Variants in SLFN12L observed in about 807,000 individuals in gnomAD.
SLFN12L encodes the protein schlafen family member 12-like.
A neutral mutation model predicts 34.8 loss-of-function variants in SLFN12L; 34 were observed. The observed-to-expected ratio is 0.98, with a 90% CI of 0.74 to 1.30. SLFN12L has a LOEUF of 1.30. Ranked by LOEUF, SLFN12L falls within the 50% of genes most tolerant of loss-of-function variation. The pLI, the probability that SLFN12L is intolerant of heterozygous loss-of-function variation, is 0.00. For missense variants in SLFN12L, 703 were observed against 696.2 expected (o/e 1.01, Z -0.11); for synonymous variants, 259 against 247.5 (o/e 1.05, Z -0.44).
intron 2 of SLFN12L, chr17:35,498,606 G>T: frequency 1.9e-6 from 3 of 1,607,578 alleles, no homozygotes; most frequent in Non-Finnish European, 2.6e-6. Context: ...TCTGCAGAAA[G>T]CTAGCCAGAA....
At chr17:35,498,512 CTT>C (rs1393028877) in intron 2 of SLFN12L, 2 of 1,224,902 alleles carry the variant, frequency 1.6e-6, no homozygotes, top group Non-Finnish European at 2.4e-6. Flanking sequence ...TTTATCCTCT[CTT>C]TGTCTGCCTC....
chr17:35,534,920 T>C (rs2072444277), intron 1 of SLFN12L, among the ~76,000 whole-genome samples: 1 of 152,104 alleles, frequency 6.6e-6, no homozygotes, highest in African/African-American at 2.4e-5. Context: ...CAAGAGCAAA[T>C]AAAAACAAAG....
intron 1 of SLFN12L, among the ~76,000 whole-genome samples, chr17:35,534,932 G>T (rs2072444485): frequency 6.6e-6 from 1 of 152,190 alleles, no homozygotes; most frequent in South Asian, 2.1e-4. Context: ...AAAACAAAGG[G>T]CATAGTAGGA....
intron 2 of SLFN12L, chr17:35,490,358 G>T: frequency 7.5e-7 from 1 of 1,339,776 alleles, no homozygotes; most frequent in South Asian, 1.2e-5. Flanking sequence ...AACACGGTAC[G>T]ATAGTCTCTT....
rs1247702695 is a variant in SLFN12L at position 35,467,811 on chromosome 17, GAAGC to G, written c.*7108_*7111del. The stretch of plus-strand genomic sequence containing the variant: ...CCGTTTGAGCCTAAACTTCAACCAT[GAAGC>G]AAGCAAGCAAGCAAGCAAAAACCAA... On this transcript the variant is annotated 3_prime_UTR_variant, in exon 5 of 5. Coordinates refer to ENST00000628453, the MANE Select transcript of SLFN12L (RefSeq NM_001363830.2). Among the ~76,000 whole-genome samples, 1 of 152,120 alleles carries G rather than the reference GAAGC, an allele frequency of 6.6e-6. No individual in the cohort carries two copies. Among genetic ancestry groups the G allele is most frequent in the South Asian group, 2.1e-4 (1 of 4,818 alleles).
rs375767919 is a variant in SLFN12L, at chr17:35,534,286, C to T, written c.-606+3287G>A. Among the ~76,000 whole-genome samples, 36 of 152,116 alleles carry T rather than the reference C, an allele frequency of 2.4e-4. No individual in the cohort carries two copies. In the East Asian group the frequency reaches 5.4e-3, roughly 23 times the overall value. On this transcript the variant is annotated intron_variant, in intron 1 of 4. Transcript: ENST00000628453. ...CTGAGGCAGGAGAATCTCTTGAACC[C>T]GGGAAGCGGAGGTTGCAGTGAGCTG...
intron 4 of SLFN12L, 191 bp downstream of exon 4, chr17:35,477,884 G>A (rs555595437): frequency 2.5e-5 from 11 of 445,104 alleles, no homozygotes; most frequent in East Asian, 4.4e-5. Context: ...CTGCCTGAAC[G>A]AACAATTCTA....
At chr17:35,491,599 G>A (rs1054430470) in intron 2 of SLFN12L, among the ~76,000 whole-genome samples, 25 of 152,312 alleles carry the variant, frequency 1.6e-4, no homozygotes, top group African/African-American at 6.0e-4. Flanking sequence ...GCTGCAGAAT[G>A]GGGTCTGGCC....
At chr17:35,502,950 A>G (rs1163553067) in intron 2 of SLFN12L, among the ~76,000 whole-genome samples, 1 of 151,968 alleles carries the variant, frequency 6.6e-6, no homozygotes, top group African/African-American at 2.4e-5. Context: ...CAGCTGAGGC[A>G]TGTTGAAGAA....
At chr17:35,491,447 C>T (rs577520864) in intron 2 of SLFN12L, among the ~76,000 whole-genome samples, 2 of 152,300 alleles carry the variant, frequency 1.3e-5, no homozygotes, top group East Asian at 3.9e-4. Context: ...TGCAGGCTCC[C>T]TTGGGAAAGC....
At position 35,474,026 on chromosome 17, in the gene SLFN12L, CT is replaced by C; in HGVS notation, c.*896del. The C allele has an allele frequency of 6.6e-6, 1 of 152,384 alleles. No homozygotes were observed. Among genetic ancestry groups the C allele is most frequent in the Non-Finnish European group, 1.5e-5 (1 of 68,074 alleles). The allele number at this position is 152,384 out of a possible 1,614,324, so 9.4% of individuals were successfully genotyped here. ...CTCCACTTCCTGCGTTCAAGCAATTCTCATGCCTCAGCCTCCCGAGTAGCTG... is the reference window on the plus strand; with the variant it reads ...CTCCACTTCCTGCGTTCAAGCAATTCCATGCCTCAGCCTCCCGAGTAGCTG... On this transcript the variant is annotated 3_prime_UTR_variant, in exon 5 of 5. Transcript: ENST00000628453.
chr17:35,490,562 C>T (rs959213321), intron 2 of SLFN12L: 21 of 829,364 alleles, frequency 2.5e-5, no homozygotes, highest in Admixed American at 5.2e-5. Flanking sequence ...AGTCTGTCTG[C>T]GGATGGGGGC....
intron 2 of SLFN12L, among the ~76,000 whole-genome samples, chr17:35,482,360 C>T (rs185277086): frequency 6.6e-6 from 1 of 152,326 alleles, no homozygotes; most frequent in African/African-American, 2.4e-5. Context: ...TGGCAGCCTG[C>T]CATCACAAAG....
At chr17:35,513,324 AC>A (rs1438601423) in intron 2 of SLFN12L, among the ~76,000 whole-genome samples, 1 of 152,192 alleles carries the variant, frequency 6.6e-6, no homozygotes, top group East Asian at 1.9e-4. Context: ...TGTGCAGCTG[AC>A]CAGAGGGAGA....
At chr17:35,524,340 G>A (rs2072312529) in intron 1 of SLFN12L, among the ~76,000 whole-genome samples, 1 of 152,210 alleles carries the variant, frequency 6.6e-6, no homozygotes, top group Non-Finnish European at 1.5e-5. Flanking sequence ...TCTAAAGAGA[G>A]CAGCAGATCT....
intron 2 of SLFN12L, among the ~76,000 whole-genome samples, chr17:35,505,809 G>T (rs911183472): frequency 6.6e-6 from 1 of 152,170 alleles, no homozygotes; most frequent in African/African-American, 2.4e-5. Context: ...ACTGGTCCAC[G>T]CATGGCTGAA....
chr17:35,522,128 G>A (rs1423328339), intron 2 of SLFN12L, 151 bp downstream of exon 2: 4 of 1,038,862 alleles, frequency 3.9e-6, no homozygotes, highest in Non-Finnish European at 5.5e-6. Context: ...ATAAAAAAAA[G>A]GTAGAAAAAA....
chr17:35,494,144 C>T (rs1174323849), intron 2 of SLFN12L, among the ~76,000 whole-genome samples: 4 of 151,804 alleles, frequency 2.6e-5, no homozygotes, highest in Non-Finnish European at 5.9e-5. Flanking sequence ...AAGTATTTCT[C>T]CCAAAATTGG....
At chr17:35,511,069 A>T (rs958470482) in intron 2 of SLFN12L, among the ~76,000 whole-genome samples, 1 of 152,098 alleles carries the variant, frequency 6.6e-6, no homozygotes, top group Non-Finnish European at 1.5e-5. Context: ...TGTTTATCTT[A>T]TTCTATTTTG....
Sources: gnomAD v4.1 joint callset for allele counts (sites outside exome capture counted in the v4.1 genomes callset) on GRCh38, gnomAD v4.1.1 for gene constraint, MANE v1.5 for transcripts, NCBI Gene and HGNC (gene_info 2026-07-23, HGNC 2026-07-21) for gene names.